PRKAR1B: variants seen among roughly 807,000 people sequenced by gnomAD.
PRKAR1B encodes the protein protein kinase cAMP-dependent type I regulatory subunit beta, also known as cAMP-dependent protein kinase type I-beta regulatory subunit.
PRKAR1B carries 22 observed loss-of-function variants against 46.5 expected under a neutral mutation model. That is an observed-to-expected ratio of 0.47 (90% CI 0.34 to 0.68). The LOEUF is 0.68. PRKAR1B is among the 30% of genes least tolerant of loss of function. The pLI is 0.01. For synonymous variants in PRKAR1B, 259 were observed against 217.7 expected, an observed-to-expected ratio of 1.19 and a Z score of -1.67; for missense variants, 445 against 535.6, an observed-to-expected ratio of 0.83 and a Z score of 1.67.
upstream of PRKAR1B, among the ~76,000 whole-genome samples, chr7:727,918 G>T (rs1232358726): frequency 6.6e-6 from 1 of 151,406 alleles, no homozygotes; most frequent in Non-Finnish European, 1.5e-5. Flanking sequence ...GGTGGGGTGT[G>T]CCCTGATAGC....
chr7:709,242 G>T (rs1040628271), intron 2 of PRKAR1B, among the ~76,000 whole-genome samples: 1 of 150,242 alleles, frequency 6.7e-6, no homozygotes, highest in Non-Finnish European at 1.5e-5. Context: ...TATAAAAAAT[G>T]AAAAATACAA....
At chr7:682,024 G>A (rs1040821239) in intron 2 of PRKAR1B, among the ~76,000 whole-genome samples, 3 of 152,102 alleles carry the variant, frequency 2.0e-5, no homozygotes, top group Non-Finnish European at 4.4e-5. Context: ...TGGGAAAAGG[G>A]TGAATGAAGT....
chr7:606,214 G>C lies in PRKAR1B; in HGVS notation c.528C>G (p.Val176=), dbSNP rs201266818. ...TCACATCCACTTCCCCTTGATCAAC[G>C]ACATAGAAGTTGTCTCCTTCATTCC... ...QQGNEGDNFY[V]VDQGEVDVYV... Residue 176 remains valine, a synonymous_variant, in exon 6 of 11, where the codon GTC becomes GTG. Coordinates refer to ENST00000537384, the MANE Select transcript of PRKAR1B (RefSeq NM_001164760.2). The C allele has an allele frequency of 2.7e-5, 44 of 1,613,888 alleles. No homozygotes were observed. The Admixed American group carries it at 4.5e-4, about 17-fold the overall frequency.
intron 4 of PRKAR1B, chr7:607,938 GGAAAAC>G (rs1782200201): frequency 5.9e-6 from 1 of 169,308 alleles, no homozygotes; most frequent in African/African-American, 2.4e-5. Flanking sequence ...ACCTCTCTGT[GGAAAAC>G]ACAGACCCTT....
intron 7 of PRKAR1B, 149 bp from the exon 8 acceptor site, chr7:584,717 T>C (rs974317347): frequency 1.3e-5 from 9 of 688,358 alleles, no homozygotes; most frequent in Non-Finnish European, 2.3e-5. Flanking sequence ...CGACTCGGAG[T>C]CTGCGTGAGC....
In PRKAR1B at chr7:596,150, A is replaced by T; in HGVS notation, c.704T>A (p.Leu235His). 1 of 1,613,104 alleles carries T rather than the reference A, an allele frequency of 6.2e-7. No individual in the cohort carries two copies. The highest frequency in any genetic ancestry group is 8.5e-7 in the Non-Finnish European group (1 of 1,179,424). The change falls in exon 7 of 11, where the codon CTT becomes CAT. Residue 235 changes from leucine to histidine, a missense_variant. Around this residue, in one of 5 missense-constraint regions of PRKAR1B, gnomAD observed 51 missense variants for 85.1 expected, o/e 0.60. Coordinates refer to ENST00000537384, the MANE Select transcript of PRKAR1B (RefSeq NM_001164760.2). The part of the protein sequence containing the change: ...GIDRDSYRRI[L>H]MGSTLRKRKM... Reference sequence around the variant, plus strand: ...TGTGCTTGGGCACCAACTCACCATAAGGATGCGCCGGTAGCTGTCCCGGTC... The same window carrying T: ...TGTGCTTGGGCACCAACTCACCATATGGATGCGCCGGTAGCTGTCCCGGTC...
In PRKAR1B at chr7:587,656, G is replaced by T. The variant is rs149188918; in HGVS notation, c.709-3088C>A. On this transcript the variant is annotated intron_variant, in intron 7 of 10. Coordinates refer to ENST00000537384, the MANE Select transcript of PRKAR1B (RefSeq NM_001164760.2). ...CACCACACAGCCCCTTCCACAGTTG[G>T]GGGTGGGAAAGAGCAGCCCTGGGGA... Among the ~76,000 whole-genome samples the T allele has an allele frequency of 6.2e-3, 943 of 152,356 alleles. 3 individuals are homozygous for T. The highest frequency in any genetic ancestry group is 0.01 in the Middle Eastern group (3 of 294).
intron 9 of PRKAR1B, among the ~76,000 whole-genome samples, chr7:552,791 A>G (rs1784329423): frequency 6.6e-6 from 1 of 152,178 alleles, no homozygotes; most frequent in Non-Finnish European, 1.5e-5. Flanking sequence ...CTGACCTTGG[A>G]CCAACTCTCA....
At chr7:688,984 C>T (rs1041502972) in intron 2 of PRKAR1B, among the ~76,000 whole-genome samples, 3 of 151,950 alleles carry the variant, frequency 2.0e-5, no homozygotes, top group African/African-American at 7.3e-5. Flanking sequence ...AAGCAACAGA[C>T]AATACAAAGA....
intron 9 of PRKAR1B, among the ~76,000 whole-genome samples, chr7:556,406 C>G (rs1290367139): frequency 7.0e-6 from 1 of 142,548 alleles, no homozygotes; most frequent in Non-Finnish European, 1.5e-5. Flanking sequence ...GTGAATGCAA[C>G]CCTGCAACCG....
intron 9 of PRKAR1B, among the ~76,000 whole-genome samples, chr7:571,065 C>T (rs1168372973): frequency 6.6e-6 from 1 of 152,236 alleles, no homozygotes; most frequent in Non-Finnish European, 1.5e-5. Context: ...ATGGCTTAGG[C>T]CCCTGTGGCT....
At position 588,711 on chromosome 7, in the gene PRKAR1B, A is replaced by G. The variant is rs867112680; in HGVS notation, c.709-4143T>C. On this transcript the variant is annotated intron_variant, in intron 7 of 10. Coordinates refer to ENST00000537384, the MANE Select transcript of PRKAR1B (RefSeq NM_001164760.2). ...GGTGATGGTGGTGATGGTGATGGTGATGGTGGTGATGGTGGTGAGGATAGT... is the reference window on the plus strand; with the variant it reads ...GGTGATGGTGGTGATGGTGATGGTGGTGGTGGTGATGGTGGTGAGGATAGT... Among the ~76,000 whole-genome samples the G allele has an allele frequency of 7.1e-3, 230 of 32,256 alleles. 2 individuals carry two copies. The highest frequency in any genetic ancestry group is 0.015 in the East Asian group (9 of 620). 21.2% of individuals were successfully genotyped at this position (32,256 alleles called of 152,430 possible).
intron 9 of PRKAR1B, among the ~76,000 whole-genome samples, chr7:558,716 C>T (rs1009466517): frequency 2.0e-5 from 3 of 151,988 alleles, no homozygotes; most frequent in Admixed American, 1.3e-4. Context: ...TGCGCCACTG[C>T]ACTCCAGCCT....
At position 561,196 on chromosome 7, in the gene PRKAR1B, C is replaced by T. The variant is rs140394692; in HGVS notation, c.892-9726G>A. On this transcript the variant is annotated intron_variant, in intron 9 of 10. Transcript: ENST00000537384. ...ACGTGCATACACACATGCACACACA[C>T]CCCACACACATGCACACACAGGCAC... 3.8e-3 allele frequency among the ~76,000 whole-genome samples: 576 copies of T among 151,738 alleles called. 3 individuals are homozygous for T. The highest frequency in any genetic ancestry group is 0.013 in the African/African-American group (539 of 41,358).
chr7:553,455 A>G (rs964665203), intron 9 of PRKAR1B, among the ~76,000 whole-genome samples: 2 of 152,098 alleles, frequency 1.3e-5, no homozygotes, highest in Non-Finnish European at 2.9e-5. Context: ...GAATGTCACC[A>G]TCCCATTTTA....
At chr7:641,594 C>T (rs1330554445) in intron 4 of PRKAR1B, among the ~76,000 whole-genome samples, 4 of 152,158 alleles carry the variant, frequency 2.6e-5, no homozygotes, top group Admixed American at 2.0e-4. Flanking sequence ...CCCACAGGTC[C>T]ATGGCAGGGA....
At chr7:705,306 TAAAA>T (rs1166269903) in intron 2 of PRKAR1B, among the ~76,000 whole-genome samples, 2 of 109,234 alleles carry the variant, frequency 1.8e-5, no homozygotes, top group African/African-American at 6.8e-5. Flanking sequence ...CTGTCTCAAT[TAAAA>T]AAAAAAAAAA....
intron 1 of PRKAR1B, 105 bp from the exon 2 acceptor site, chr7:711,632 A>G (rs1780637225): frequency 5.0e-6 from 5 of 1,009,846 alleles, no homozygotes; most frequent in Non-Finnish European, 7.2e-6. Flanking sequence ...GCGTGGAAGA[A>G]AGTCACTGAT....
At chr7:628,647 G>C (rs995069633) in intron 4 of PRKAR1B, among the ~76,000 whole-genome samples, 1 of 152,214 alleles carries the variant, frequency 6.6e-6, no homozygotes, top group Non-Finnish European at 1.5e-5. Flanking sequence ...AGGCCGGCCA[G>C]GCGATGGCGG....
Sources: gnomAD v4.1 joint callset for allele counts (sites outside exome capture counted in the v4.1 genomes callset) on GRCh38, gnomAD v4.1.1 for gene constraint, gnomAD v4.1.1 regional missense constraint, MANE v1.5 for transcripts, NCBI Gene and HGNC (gene_info 2026-07-23, HGNC 2026-07-21) for gene names.